The following APBA2 variants were observed in gnomAD, a reference collection of about 807,000 sequenced individuals.
APBA2 encodes amyloid-beta A4 precursor protein-binding family A member 2.
APBA2 carries 30 observed loss-of-function variants against 75.0 expected under a neutral mutation model. That is an observed-to-expected ratio of 0.40 (90% CI 0.30 to 0.54). APBA2 has a LOEUF of 0.54. APBA2 is among the 20% of genes least tolerant of loss of function. The pLI is 0.49. For synonymous variants in APBA2, 444 were observed against 409.6 expected, an observed-to-expected ratio of 1.08 and a Z score of -1.01; for missense variants, 801 against 1,016.1, an observed-to-expected ratio of 0.79 and a Z score of 2.88.
chr15:28,922,144 C>T (rs559305167), intron 2 of APBA2, among the ~76,000 whole-genome samples: 15 of 152,180 alleles, frequency 9.9e-5, no homozygotes, highest in Non-Finnish European at 1.9e-4. Context: ...CTCCCTTCCC[C>T]ATGGGGTGCA....
At chr15:29,071,153 C>A in intron 4 of APBA2, 2 of 418,730 alleles carry the variant, frequency 4.8e-6, no homozygotes, top group Non-Finnish European at 4.8e-6. Flanking sequence ...GATTATATTG[C>A]TGTACTTTCA....
chr15:29,109,837 G>A (rs1162912806), intron 13 of APBA2, among the ~76,000 whole-genome samples: 1 of 152,254 alleles, frequency 6.6e-6, no homozygotes, highest in Non-Finnish European at 1.5e-5. Context: ...AGTACCCCAA[G>A]CTATCCAAGG....
intron 1 of APBA2, among the ~76,000 whole-genome samples, chr15:28,911,803 T>C (rs2033441926): frequency 6.6e-6 from 1 of 152,106 alleles, no homozygotes; most frequent in Non-Finnish European, 1.5e-5. Context: ...AGATTATAGG[T>C]TTATGTTAGC....
chr15:28,891,122 G>A (rs1363285509), intron 1 of APBA2, among the ~76,000 whole-genome samples: 2 of 152,198 alleles, frequency 1.3e-5, no homozygotes, highest in Non-Finnish European at 2.9e-5. Context: ...TTTTGATGGC[G>A]AAACCACTGG....
At chr15:28,938,527 G>A (rs550356918) in intron 2 of APBA2, among the ~76,000 whole-genome samples, 17 of 152,114 alleles carry the variant, frequency 1.1e-4, no homozygotes, top group Non-Finnish European at 2.2e-4. Context: ...TTGAGACAGC[G>A]TGACAGAGTT....
intron 2 of APBA2, among the ~76,000 whole-genome samples, chr15:28,928,409 C>T (rs866100667): frequency 2.7e-4 from 41 of 152,228 alleles, no homozygotes; most frequent in African/African-American, 8.9e-4. Flanking sequence ...GAGTGAGTGT[C>T]GTGCAGCTCT....
chr15:29,090,845 A>AG (rs2043528208), intron 6 of APBA2, among the ~76,000 whole-genome samples: 14 of 152,108 alleles, frequency 9.2e-5, no homozygotes, highest in Admixed American at 8.5e-4. Context: ...AGGCGCTGGG[A>AG]GCCTTCCCAG....
intron 2 of APBA2, among the ~76,000 whole-genome samples, chr15:28,987,573 C>T (rs888629764): frequency 2.0e-5 from 3 of 151,716 alleles, no homozygotes; most frequent in African/African-American, 4.8e-5. Flanking sequence ...GAGAGGAAGC[C>T]GCTGTGCCTT....
intron 4 of APBA2, among the ~76,000 whole-genome samples, chr15:29,063,295 G>A (rs2042224110): frequency 7.2e-6 from 1 of 138,552 alleles, no homozygotes; most frequent in Non-Finnish European, 1.6e-5. Flanking sequence ...AGTTGATCTG[G>A]TCAGTGTCTG....
At chr15:29,063,677 G>T (rs541901511) in intron 4 of APBA2, among the ~76,000 whole-genome samples, 1 of 150,752 alleles carries the variant, frequency 6.6e-6, no homozygotes, top group African/African-American at 2.5e-5. Flanking sequence ...GTCAGTGTCT[G>T]TATGGATGGT....
intron 2 of APBA2, among the ~76,000 whole-genome samples, chr15:28,988,865 TAA>T (rs2152779694): frequency 6.6e-6 from 1 of 152,328 alleles, no homozygotes; most frequent in South Asian, 2.1e-4. Context: ...TAGAAACAGC[TAA>T]ATTTTATTCC....
chr15:29,085,544 AAATT>A (rs2043255938), intron 6 of APBA2, among the ~76,000 whole-genome samples: 1 of 151,678 alleles, frequency 6.6e-6, no homozygotes, highest in African/African-American at 2.4e-5. Flanking sequence ...AAAAAAAAAA[AAATT>A]AATGAGTTTC....
At chr15:28,915,241 T>TACACCACACACCACACACATACCCCATAC (rs2033631977) in intron 1 of APBA2, among the ~76,000 whole-genome samples, 1 of 32,014 alleles carries the variant, frequency 3.1e-5, no homozygotes, top group African/African-American at 1.3e-4. Flanking sequence ...ATACCCCATA[T>TACACCACACACCACACACATACCCCATAC]ATACCACACA....
At position 28,977,701 on chromosome 15, in the gene APBA2, C is replaced by T. The variant is rs1335705223; in HGVS notation, c.-94-18052C>T. On this transcript the variant is annotated intron_variant, in intron 2 of 14. Transcript: ENST00000683413. ...TTCCGAATTTGCGGAAAGTGAGCCACCCTCCCAATGTGTACATGTCTGGGC... is the reference window on the plus strand; with the variant it reads ...TTCCGAATTTGCGGAAAGTGAGCCATCCTCCCAATGTGTACATGTCTGGGC... Among the ~76,000 whole-genome samples, 6 of 152,184 alleles carry T rather than the reference C, an allele frequency of 3.9e-5. No homozygotes were observed. In the East Asian group the frequency reaches 1.2e-3, roughly 29 times the overall value.
At chr15:28,899,203 T>G (rs1489467851) in intron 1 of APBA2, among the ~76,000 whole-genome samples, 2 of 152,356 alleles carry the variant, frequency 1.3e-5, no homozygotes, top group East Asian at 3.9e-4. Context: ...CCTGGCTACC[T>G]GCCTCCCCAG....
chr15:29,072,144 C>G (rs1036827191), intron 4 of APBA2, among the ~76,000 whole-genome samples: 1 of 152,168 alleles, frequency 6.6e-6, no homozygotes, highest in Non-Finnish European at 1.5e-5. Flanking sequence ...TAAATCCCGC[C>G]CAGCTTGCAG....
At chr15:29,101,209 T>C (rs2044101884) in intron 9 of APBA2, among the ~76,000 whole-genome samples, 1 of 134,058 alleles carries the variant, frequency 7.5e-6, no homozygotes, top group Non-Finnish European at 1.6e-5. Context: ...CCCGAATAAT[T>C]GGAGTGCCTT....
At chr15:28,960,148 CAAAAAAA>C (rs59345963) in intron 2 of APBA2, among the ~76,000 whole-genome samples, 4 of 93,196 alleles carry the variant, frequency 4.3e-5, no homozygotes, top group Admixed American at 1.3e-4. Context: ...GACCTTGTTT[CAAAAAAA>C]AAAAAAAAAA....
intron 2 of APBA2, among the ~76,000 whole-genome samples, chr15:28,981,781 TAAAG>T (rs1411484616): frequency 1.6e-4 from 24 of 151,964 alleles, no homozygotes; most frequent in Non-Finnish European, 5.9e-5. Flanking sequence ...GTGGACTAGA[TAAAG>T]AAATTATGGT....
Sources: gnomAD v4.1 joint callset for allele counts (sites outside exome capture counted in the v4.1 genomes callset) on GRCh38, gnomAD v4.1.1 for gene constraint, MANE v1.5 for transcripts, NCBI Gene and HGNC (gene_info 2026-07-23, HGNC 2026-07-21) for gene names.